The following EPHA5 variants were observed in gnomAD, a reference collection of about 807,000 sequenced individuals.
EPHA5 encodes the protein ephrin type-A receptor 5.
In EPHA5, 60 loss-of-function variants were observed where a neutral mutation model predicts 105.0. The observed-to-expected ratio is 0.57, with a 90% CI of 0.46 to 0.71. EPHA5 has a LOEUF of 0.71. Ranked by LOEUF, EPHA5 falls within the 30% of genes least tolerant of loss-of-function variation. The probability of loss-of-function intolerance (pLI) is 0.00; values close to 1 mark genes in which losing one functional copy is unlikely to be tolerated. For synonymous variants in EPHA5, 513 were observed against 449.1 expected (o/e 1.14, Z -1.80); for missense variants, 1,218 against 1,274.7 (o/e 0.96, Z 0.68).
intron 3 of EPHA5, among the ~76,000 whole-genome samples, chr4:65,504,274 G>A (rs997436586): frequency 6.6e-6 from 1 of 150,628 alleles, no homozygotes. Context: ...AATTTATTAT[G>A]TACCAGATGT....
At chr4:65,337,437 AT>A (rs901431217) in intron 14 of EPHA5, among the ~76,000 whole-genome samples, 2 of 151,440 alleles carry the variant, frequency 1.3e-5, no homozygotes, top group African/African-American at 4.9e-5. Context: ...CCATAAACTT[AT>A]TTTTTTTCAA....
chr4:65,601,555 C>A, intron 3 of EPHA5, 86 bp downstream of exon 3: 2 of 1,264,146 alleles, frequency 1.6e-6, no homozygotes, highest in Non-Finnish European at 2.2e-6. Context: ...AGTAAAAGGT[C>A]ATTTCCTCAT....
intron 3 of EPHA5, among the ~76,000 whole-genome samples, chr4:65,539,063 G>A (rs1215405239): frequency 6.6e-6 from 1 of 151,636 alleles, no homozygotes; most frequent in Non-Finnish European, 1.5e-5. Context: ...AGAGCAGCCT[G>A]CACCCTATCT....
At chr4:65,464,044 A>G (rs1245559639) in intron 5 of EPHA5, among the ~76,000 whole-genome samples, 1 of 151,152 alleles carries the variant, frequency 6.6e-6, no homozygotes, top group African/African-American at 2.4e-5. Flanking sequence ...ACAAGAGGAA[A>G]TTTTTTTTTG....
Position 65,399,730 on chromosome 4 carries a change from CTTAAT to C in EPHA5, c.1793+4639_1793+4643del, listed in dbSNP as rs1406066289. On this transcript the variant is annotated intron_variant, in intron 8 of 16. Transcript: ENST00000613740. ...TTTTACTTCTAATTGTGTATGTGGA[CTTAAT>C]TTAATACAAAAAGTGAAGCTCTGCA... Among the ~76,000 whole-genome samples the C allele has an allele frequency of 5.9e-5, 9 of 152,152 alleles. No individual in the cohort carries two copies. The East Asian group carries it at 7.7e-4, about 13-fold the overall frequency.
chr4:65,523,591 GA>G (rs1379062274), intron 3 of EPHA5, among the ~76,000 whole-genome samples: 1 of 151,958 alleles, frequency 6.6e-6, no homozygotes, highest in Non-Finnish European at 1.5e-5. Flanking sequence ...GTTTTAAATT[GA>G]GTTTGCAAAT....
At chr4:65,491,029 A>C (rs1731351297) in intron 4 of EPHA5, among the ~76,000 whole-genome samples, 1 of 152,128 alleles carries the variant, frequency 6.6e-6, no homozygotes, top group Non-Finnish European at 1.5e-5. Context: ...ATATATTTAT[A>C]AACTGGTGAG....
intron 3 of EPHA5, among the ~76,000 whole-genome samples, chr4:65,554,697 C>A (rs563111463): frequency 4.6e-5 from 7 of 151,680 alleles, no homozygotes. Flanking sequence ...CATTAAACAT[C>A]TTTTCATGTT....
chr4:65,383,698 A>G lies in EPHA5; in HGVS notation c.1794-16274T>C, dbSNP rs190029530. 3.6e-4 allele frequency among the ~76,000 whole-genome samples: 54 copies of G among 151,924 alleles called. 1 individual carries two copies. The highest frequency in any genetic ancestry group is 2.1e-3 in the Admixed American group (32 of 15,216). ...TAATATCTGCCAGTCTGAAGGAGTA[A>G]TGGTATCTTCCTACCAACTTATTAT... On this transcript the variant is annotated intron_variant, in intron 8 of 16. Transcript: ENST00000613740.
At chr4:65,430,512 C>A (rs1290988249) in intron 5 of EPHA5, among the ~76,000 whole-genome samples, 1 of 151,886 alleles carries the variant, frequency 6.6e-6, no homozygotes, top group Non-Finnish European at 1.5e-5. Flanking sequence ...CATAAGAATA[C>A]ATAATATATC....
At chr4:65,588,527 A>G (rs1742336848) in intron 3 of EPHA5, among the ~76,000 whole-genome samples, 1 of 152,116 alleles carries the variant, frequency 6.6e-6, no homozygotes, top group Non-Finnish European at 1.5e-5. Context: ...GCCCTTGGCT[A>G]AGACTTTCCC....
chr4:65,612,960 T>C (rs1012752383), intron 2 of EPHA5, among the ~76,000 whole-genome samples: 1 of 152,204 alleles, frequency 6.6e-6, no homozygotes, highest in Non-Finnish European at 1.5e-5. Flanking sequence ...ACTAGGCCAA[T>C]GTCCAGAAGA....
At chr4:65,563,734 G>GA (rs1294784359) in intron 3 of EPHA5, among the ~76,000 whole-genome samples, 1 of 151,926 alleles carries the variant, frequency 6.6e-6, no homozygotes, top group Non-Finnish European at 1.5e-5. Flanking sequence ...ATTAGCACAT[G>GA]AAAACATTGT....
intron 3 of EPHA5, among the ~76,000 whole-genome samples, chr4:65,522,544 T>C (rs1184594958): frequency 3.3e-5 from 5 of 151,890 alleles, no homozygotes; most frequent in Non-Finnish European, 5.9e-5. Flanking sequence ...TAACATATAA[T>C]CTGAAGTCTG....
chr4:65,574,598 C>T (rs958585891), intron 3 of EPHA5, among the ~76,000 whole-genome samples: 1 of 89,686 alleles, frequency 1.1e-5, no homozygotes, highest in Admixed American at 9.8e-5. Context: ...CTATATATTG[C>T]TGTATATATA....
chr4:65,515,317 G>T (rs1734003236), intron 3 of EPHA5, among the ~76,000 whole-genome samples: 1 of 151,764 alleles, frequency 6.6e-6, no homozygotes, highest in Non-Finnish European at 1.5e-5. Flanking sequence ...ACATTGCTTT[G>T]GCTCATCCAG....
chr4:65,476,352 A>G (rs10008930), intron 5 of EPHA5, among the ~76,000 whole-genome samples: 149,739 of 152,214 alleles, frequency 0.98, 73,709 homozygotes, highest in East Asian at 1. Flanking sequence ...GTCACTTTCA[A>G]TGGATCCTTT....
At chr4:65,584,905 T>C (rs1320442059) in intron 3 of EPHA5, among the ~76,000 whole-genome samples, 1 of 151,950 alleles carries the variant, frequency 6.6e-6, no homozygotes, top group Non-Finnish European at 1.5e-5. Context: ...TAACTGTTTT[T>C]TAAATGCCTT....
At chr4:65,367,510 T>C (rs1718032838) in intron 8 of EPHA5, 86 bp from the exon 9 acceptor site, 4 of 1,236,780 alleles carry the variant, frequency 3.2e-6, no homozygotes, top group Non-Finnish European at 4.7e-6. Flanking sequence ...ACAACTGAAA[T>C]TATTGCAACC....
Sources: allele counts gnomAD v4.1 joint callset (sites outside exome capture counted in the v4.1 genomes callset), GRCh38; gene constraint gnomAD v4.1.1; transcripts MANE v1.5; gene names NCBI Gene and HGNC (gene_info 2026-07-23, HGNC 2026-07-21).